Variants in ERICH6B observed in about 807,000 individuals in gnomAD.
ERICH6B encodes glutamate-rich protein 6B.
A neutral mutation model predicts 80.0 loss-of-function variants in ERICH6B; 69 were observed. That is an observed-to-expected ratio of 0.86 (90% CI 0.71 to 1.05). The LOEUF (loss-of-function observed/expected upper bound fraction) is 1.05. Ranked by LOEUF, ERICH6B falls within the 50% of genes least tolerant of loss-of-function variation. The probability of loss-of-function intolerance (pLI) is 0.00; values close to 1 mark genes in which losing one functional copy is unlikely to be tolerated. For synonymous variants in ERICH6B, 283 were observed against 291.9 expected, an observed-to-expected ratio of 0.97 and a Z score of 0.31; for missense variants, 754 against 796.1, an observed-to-expected ratio of 0.95 and a Z score of 0.64.
At chr13:45,553,921 A>G (rs1874329169) in intron 11 of ERICH6B, among the ~76,000 whole-genome samples, 1 of 152,190 alleles carries the variant, frequency 6.6e-6, no homozygotes, top group Non-Finnish European at 1.5e-5. Context: ...TGGCTAAGTC[A>G]AGCTATTTAA....
chr13:45,579,279 G>A (rs1462100627), intron 7 of ERICH6B, among the ~76,000 whole-genome samples: 1 of 152,180 alleles, frequency 6.6e-6, no homozygotes, highest in African/African-American at 2.4e-5. Flanking sequence ...GCCATGGGGT[G>A]GGGATGGAGG....
Position 45,550,301 on chromosome 13 carries a change from C to T in ERICH6B, c.1423G>A (p.Gly475Arg), listed in dbSNP as rs1444782514. ...QKKTVVHQGD[G>R]KLILYPNKNV... is the part of the protein sequence containing the mutation. The stretch of plus-strand genomic sequence containing the variant: ...TTGTTGGGGTAGAGAATTAATTTTC[C>T]ATCACCTTGATGCACCTGGGAAGAA... Residue 475 changes from glycine (G) to arginine (R), a missense_variant, in exon 12 of 15, where the codon GGA becomes AGA. Gly to Arg is a moderately radical substitution (Grantham distance 125). Transcript: ENST00000298738. 2.6e-6 allele frequency: 4 copies of T among 1,551,502 alleles called. No individual in the cohort carries two copies. Among genetic ancestry groups the T allele is most frequent in the Admixed American group, 2.0e-5 (1 of 51,000 alleles).
Position 45,574,826 on chromosome 13 carries a change from T to G in ERICH6B, c.1050+16A>C, listed in dbSNP as rs1593788919. Reference sequence around the variant, plus strand: ...AGGAAGCTGGGGGGGGGGTCTCAAGTTTTTATCCAACTTACGTTTTCATCT... The same window carrying G: ...AGGAAGCTGGGGGGGGGGTCTCAAGGTTTTATCCAACTTACGTTTTCATCT... On this transcript the variant is annotated intron_variant, in intron 8 of 14. Coordinates refer to ENST00000298738, the MANE Select transcript of ERICH6B (RefSeq NM_182542.3). 2.6e-6 allele frequency: 4 copies of G among 1,542,006 alleles called. No individual in the cohort carries two copies. The highest frequency in any genetic ancestry group is 8.8e-7 in the Non-Finnish European group (1 of 1,139,942).
chr13:45,571,986 C>T (rs998012412), intron 8 of ERICH6B, among the ~76,000 whole-genome samples: 1 of 152,244 alleles, frequency 6.6e-6, no homozygotes, highest in South Asian at 2.1e-4. Context: ...TTTTGTTGTT[C>T]AAGCCACTCA....
chr13:45,549,345 A>G (rs1372704773), intron 13 of ERICH6B, among the ~76,000 whole-genome samples: 1 of 152,122 alleles, frequency 6.6e-6, no homozygotes, highest in Non-Finnish European at 1.5e-5. Flanking sequence ...GGAGGGAAGG[A>G]AAAAATCCTG....
chr13:45,597,213 A>C (rs1473111188), intron 2 of ERICH6B, 150 bp from the exon 3 acceptor site: 1 of 557,496 alleles, frequency 1.8e-6, no homozygotes, highest in African/African-American at 1.9e-5. Context: ...TGAAAAAGGC[A>C]CAAGAAGAGG....
intron 2 of ERICH6B, 95 bp from the exon 3 acceptor site, chr13:45,597,158 C>A: frequency 1.2e-6 from 1 of 849,392 alleles, no homozygotes; most frequent in Non-Finnish European, 1.8e-6. Flanking sequence ...ATTCAGTAGT[C>A]TTTGGAGGGC....
At chr13:45,554,840 AG>A (rs1413389977) in intron 11 of ERICH6B, among the ~76,000 whole-genome samples, 1 of 152,124 alleles carries the variant, frequency 6.6e-6, no homozygotes. Flanking sequence ...CCTGGCCTGG[AG>A]GGGTTGGATT....
chr13:45,612,587 G>T (rs1949905918), intron 1 of ERICH6B, among the ~76,000 whole-genome samples: 1 of 152,144 alleles, frequency 6.6e-6, no homozygotes, highest in Non-Finnish European at 1.5e-5. Flanking sequence ...ATGTTCCAGG[G>T]GAGCTTATTT....
chr13:45,576,036 T>A (rs966141955), intron 7 of ERICH6B, among the ~76,000 whole-genome samples: 2 of 152,198 alleles, frequency 1.3e-5, no homozygotes, highest in Non-Finnish European at 2.9e-5. Flanking sequence ...TCCTGTTTGA[T>A]TTTGTGTCCT....
intron 9 of ERICH6B, among the ~76,000 whole-genome samples, chr13:45,565,926 A>C (rs150889642): frequency 1.3e-5 from 2 of 152,370 alleles, no homozygotes; most frequent in African/African-American, 4.8e-5. Context: ...AGACAGGAAA[A>C]TACGGGAAAG....
intron 10 of ERICH6B, 57 bp from the exon 11 acceptor site, chr13:45,561,583 A>G (rs896262124): frequency 1.3e-6 from 2 of 1,531,070 alleles, no homozygotes; most frequent in African/African-American, 2.8e-5. Context: ...AGAGAAAGGA[A>G]ACTTAGATCT....
Position 45,573,502 on chromosome 13 carries a change from G to C in ERICH6B, c.1050+1340C>G, listed in dbSNP as rs181063516. 1.6e-3 allele frequency among the ~76,000 whole-genome samples: 244 copies of C among 152,280 alleles called. 2 individuals carry two copies. Among genetic ancestry groups the C allele is most frequent in the African/African-American group, 5.0e-3 (208 of 41,560 alleles). On this transcript the variant is annotated intron_variant, in intron 8 of 14. Transcript: ENST00000298738. ...CTTCAATATTTTAAAATGGTGTGCA[G>C]CTGGTAGCTTCACAGTGTAAAAGCT...
Position 45,596,622 on chromosome 13 carries a change from C to T in ERICH6B, c.384G>A (p.Leu128=). 1 of 1,546,634 alleles carries T rather than the reference C, an allele frequency of 6.5e-7. No homozygotes were observed. The change falls in exon 3 of 15, where the codon CTG becomes CTA. Residue 128 remains leucine, a synonymous_variant. Transcript: ENST00000298738. ...KEGYLEEEEY[L]GKEEHLEEEE... ...CCTCCTCCAGATGCTCTTCCTTCCC[C>T]AGGTACTCTTCCTCCTCCAGATACC...
chr13:45,585,369 T>A (rs376820894), intron 5 of ERICH6B, among the ~76,000 whole-genome samples: 93 of 152,304 alleles, frequency 6.1e-4, no homozygotes, highest in African/African-American at 2.2e-3. Flanking sequence ...AGCTGCTAAA[T>A]CTATTCATTC....
At chr13:45,551,241 C>A (rs1041047132) in intron 11 of ERICH6B, among the ~76,000 whole-genome samples, 2 of 152,078 alleles carry the variant, frequency 1.3e-5, no homozygotes, top group Admixed American at 6.5e-5. Context: ...TTTCAAAGGA[C>A]CAAGTTTTGG....
At chr13:45,555,620 T>G (rs1399865711) in intron 11 of ERICH6B, among the ~76,000 whole-genome samples, 1 of 152,132 alleles carries the variant, frequency 6.6e-6, no homozygotes, top group Non-Finnish European at 1.5e-5. Context: ...CTGGCTTCAC[T>G]TCTTGTCCAT....
intron 2 of ERICH6B, among the ~76,000 whole-genome samples, chr13:45,606,541 ATATATATTTTTTTTT>A (rs1246109568): frequency 2.6e-4 from 3 of 11,542 alleles, no homozygotes; most frequent in Non-Finnish European, 4.0e-4. Context: ...ATATATATAT[ATATATATTTTTTTTT>A]TTTTTTTTTT....
At chr13:45,576,539 A>G (rs1016460039) in intron 7 of ERICH6B, among the ~76,000 whole-genome samples, 1 of 152,192 alleles carries the variant, frequency 6.6e-6, no homozygotes, top group African/African-American at 2.4e-5. Flanking sequence ...GGGTGGCATT[A>G]GAGAGGAGAA....
Sources: allele counts gnomAD v4.1 joint callset (sites outside exome capture counted in the v4.1 genomes callset), GRCh38; gene constraint gnomAD v4.1.1; transcripts MANE v1.5; gene names NCBI Gene and HGNC (gene_info 2026-07-23, HGNC 2026-07-21).